FGFR2: variants seen among roughly 807,000 people sequenced by gnomAD.
The protein encoded by FGFR2 is fibroblast growth factor receptor 2, also known as BEK fibroblast growth factor receptor.
FGFR2 carries 19 observed loss-of-function variants against 95.9 expected under a neutral mutation model. That is an observed-to-expected ratio of 0.20 (90% CI 0.14 to 0.29). The LOEUF is 0.29. FGFR2 is among the 10% of genes least tolerant of loss of function. The probability of loss-of-function intolerance (pLI) is 1.00; values close to 1 mark genes in which losing one functional copy is unlikely to be tolerated. For synonymous variants in FGFR2, 392 were observed against 393.3 expected, an observed-to-expected ratio of 1.00 and a Z score of 0.04; for missense variants, 707 against 1,056.9, an observed-to-expected ratio of 0.67 and a Z score of 4.59.
intron 6 of FGFR2, among the ~76,000 whole-genome samples, chr10:121,525,428 G>GTT (rs952002623): frequency 1.3e-5 from 2 of 152,100 alleles, no homozygotes; most frequent in African/African-American, 4.8e-5. Context: ...CTCTCCCAGC[G>GTT]TTCTCTCTCT....
intron 4 of FGFR2, among the ~76,000 whole-genome samples, chr10:121,563,565 T>C (rs1243884644): frequency 2.0e-5 from 3 of 152,284 alleles, no homozygotes; most frequent in East Asian, 3.9e-4. Context: ...ATGCAAGTAA[T>C]GCTATATTGT....
intron 2 of FGFR2, among the ~76,000 whole-genome samples, chr10:121,575,305 C>A (rs1465215117): frequency 6.6e-6 from 1 of 152,178 alleles, no homozygotes; most frequent in Non-Finnish European, 1.5e-5. Flanking sequence ...AATGTCCCCA[C>A]CCACAGTGGA....
chr10:121,479,737 T>C lies in FGFR2; in HGVS notation c.*120A>G. ...CATATGCTGATTACTTTTCCAATTATTTACTCCTCTGATCCATATATACAA... is the reference window on the plus strand; with the variant it reads ...CATATGCTGATTACTTTTCCAATTACTTACTCCTCTGATCCATATATACAA... On this transcript the variant is annotated 3_prime_UTR_variant, in exon 18 of 18. Coordinates refer to ENST00000358487, the MANE Select transcript of FGFR2 (RefSeq NM_000141.5). The C allele has an allele frequency of 1.9e-6, 3 of 1,611,696 alleles. No individual in the cohort carries two copies. The highest frequency in any genetic ancestry group is 2.5e-6 in the Non-Finnish European group (3 of 1,178,404).
chr10:121,526,705 G>T, intron 6 of FGFR2: 1 of 398,618 alleles, frequency 2.5e-6, no homozygotes, highest in Non-Finnish European at 4.4e-6. Context: ...TGAGTGGGCT[G>T]GGATGCTGGG....
At chr10:121,514,972 A>C in intron 9 of FGFR2, 145 bp downstream of exon 9, 1 of 770,246 alleles carries the variant, frequency 1.3e-6, no homozygotes, top group Non-Finnish European at 2.2e-6. Context: ...CCAAACACTA[A>C]CTGGGTGACC....
At position 121,518,432 on chromosome 10, in the gene FGFR2, C is replaced by T. The variant is rs1271804699; in HGVS notation, c.940-969G>A. On this transcript the variant is annotated intron_variant, in intron 7 of 17. Transcript: ENST00000358487. The surrounding 1 kb of genome is among the most constrained non-coding windows in gnomAD (Gnocchi z 4.0). ...AAACAAGATCAACCAGAAGGAACAA[C>T]TTAAAAACTGGGTGGGGGTGGAGGC... is the stretch of plus-strand genomic sequence containing the variant. 6.6e-6 allele frequency among the ~76,000 whole-genome samples: 1 copy of T among 152,098 alleles called. No homozygotes were observed. The highest frequency in any genetic ancestry group is 1.5e-5 in the Non-Finnish European group (1 of 68,020).
Position 121,515,284 on chromosome 10 carries a change from C to T in FGFR2, c.1120G>A (p.Asp374Asn), listed in dbSNP as rs776413718. ...CAGTAAATGGCTATCTCCAGGTAGT[C>T]TGGGGAAGCTGTAATCTCCTTTTCT... Reference protein sequence around the residue: ...GREKEITASPDYLEIAIYCIG... With the variant: ...GREKEITASPNYLEIAIYCIG... The change falls in exon 9 of 18, where the codon GAC (aspartate) becomes AAC (asparagine). Residue 374 changes from aspartate to asparagine, a missense_variant. Asp to Asn is a conservative substitution (Grantham distance 23). Transcript: ENST00000358487. 3 of 1,613,990 alleles carry T rather than the reference C, an allele frequency of 1.9e-6. No individual in the cohort carries two copies. The African/African-American group carries it at 4.0e-5, about 22-fold the overall frequency.
chr10:121,568,888 C>T (rs533602878), intron 2 of FGFR2, among the ~76,000 whole-genome samples: 2 of 152,138 alleles, frequency 1.3e-5, no homozygotes, highest in Non-Finnish European at 2.9e-5. Context: ...TGGAGCTGGA[C>T]ATGGGAGATG....
At chr10:121,560,961 A>T (rs990163699) in intron 4 of FGFR2, among the ~76,000 whole-genome samples, 1 of 152,156 alleles carries the variant, frequency 6.6e-6, no homozygotes, top group African/African-American at 2.4e-5. Context: ...CAGGAACTTT[A>T]CTTTGAGAAC....
chr10:121,581,761 TAAAA>T (rs55911512), intron 2 of FGFR2, among the ~76,000 whole-genome samples: 2 of 62,590 alleles, frequency 3.2e-5, no homozygotes, highest in Non-Finnish European at 6.3e-5. Flanking sequence ...ACCCTGCATT[TAAAA>T]AAAAAAAAAA....
At chr10:121,591,322 A>C (rs952395965) in intron 2 of FGFR2, among the ~76,000 whole-genome samples, 1 of 152,196 alleles carries the variant, frequency 6.6e-6, no homozygotes, top group Admixed American at 6.5e-5. Context: ...ATGTTTTTTG[A>C]CATTGTGGCA....
chr10:121,523,648 T>C (rs1850877426), intron 6 of FGFR2, among the ~76,000 whole-genome samples: 1 of 152,212 alleles, frequency 6.6e-6, no homozygotes, highest in Non-Finnish European at 1.5e-5. Context: ...CACACAGAAA[T>C]GTGAACTTTA....
intron 13 of FGFR2, among the ~76,000 whole-genome samples, chr10:121,490,151 CTTCTT>C (rs1171569057): frequency 1.5e-5 from 2 of 134,678 alleles, no homozygotes; most frequent in Non-Finnish European, 1.6e-5. Context: ...ACGACTTTTC[CTTCTT>C]TTTTTTTTTT....
rs45631559 is a variant in FGFR2, at chr10:121,597,928, C to T, written c.-151+34G>A. 2.6e-4 allele frequency: 100 copies of T among 390,268 alleles called. No individual in the cohort carries two copies. In the Admixed American group the frequency reaches 4.3e-3, roughly 17 times the overall value. 24.2% of individuals were successfully genotyped at this position (390,268 alleles called of 1,614,324 possible). Reference sequence around the variant, plus strand: ...CCGTGGCGCCCACGTCCCCGGCTGGCGAAGCTCCCCGAGGCGTCTTGCGCG... The same window carrying T: ...CCGTGGCGCCCACGTCCCCGGCTGGTGAAGCTCCCCGAGGCGTCTTGCGCG... On this transcript the variant is annotated intron_variant, in intron 1 of 17. Coordinates refer to ENST00000358487, the MANE Select transcript of FGFR2 (RefSeq NM_000141.5).
At chr10:121,573,105 G>C (rs912130497) in intron 2 of FGFR2, among the ~76,000 whole-genome samples, 7 of 152,212 alleles carry the variant, frequency 4.6e-5, no homozygotes, top group African/African-American at 1.7e-4. Context: ...CCAAACCAGC[G>C]ATAGCAGCAC....
chr10:121,509,839 G>C (rs906877122), intron 9 of FGFR2, among the ~76,000 whole-genome samples: 16 of 151,824 alleles, frequency 1.1e-4, no homozygotes, highest in African/African-American at 3.9e-4. Flanking sequence ...GGATTTCTCA[G>C]AGAACAGAGC....
At chr10:121,538,748 C>T (rs369426092) in intron 5 of FGFR2, 33 bp from the exon 6 acceptor site, 2 of 1,613,962 alleles carry the variant, frequency 1.2e-6, no homozygotes, top group Non-Finnish European at 1.7e-6. Context: ...GGTTATTTAA[C>T]AATCCTAGCA....
chr10:121,555,294 A>C (rs1375188571), intron 4 of FGFR2, among the ~76,000 whole-genome samples: 1 of 152,048 alleles, frequency 6.6e-6, no homozygotes, highest in East Asian at 1.9e-4. Flanking sequence ...AATTGCTTGA[A>C]CCCAGGAGGC....
At chr10:121,577,459 G>A (rs1004007558) in intron 2 of FGFR2, among the ~76,000 whole-genome samples, 1 of 152,020 alleles carries the variant, frequency 6.6e-6, no homozygotes, top group Non-Finnish European at 1.5e-5. Flanking sequence ...AAATGAGAGA[G>A]GAGGGGGCAG....
Sources: gnomAD v4.1 joint callset for allele counts (sites outside exome capture counted in the v4.1 genomes callset) on GRCh38, gnomAD v4.1.1 for gene constraint, Gnocchi (gnomAD v3.1) non-coding constraint, MANE v1.5 for transcripts, NCBI Gene and HGNC (gene_info 2026-07-23, HGNC 2026-07-21) for gene names.